Variants in ANO3 observed in about 807,000 individuals in gnomAD.
ANO3 encodes anoctamin 3.
A neutral mutation model predicts 144.8 loss-of-function variants in ANO3; 99 were observed. The observed-to-expected ratio is 0.68, with a 90% CI of 0.58 to 0.81. ANO3 has a LOEUF of 0.81. ANO3 is among the 30% of genes least tolerant of loss of function. The pLI, the probability that ANO3 is intolerant of heterozygous loss-of-function variation, is 0.00. For missense variants in ANO3, 905 were observed against 1,202.2 expected (o/e 0.75, Z 3.66); for synonymous variants, 414 against 392.6 (o/e 1.05, Z -0.64).
At chr11:26,605,749 C>T (rs1446640526) in intron 17 of ANO3, among the ~76,000 whole-genome samples, 15 of 151,942 alleles carry the variant, frequency 9.9e-5, no homozygotes, top group African/African-American at 2.2e-4. Flanking sequence ...TCTTCTCTGA[C>T]GGTAGTTTGT....
At chr11:26,559,861 C>G in intron 14 of ANO3, 82 bp downstream of exon 14, 3 of 910,226 alleles carry the variant, frequency 3.3e-6, no homozygotes, top group African/African-American at 1.6e-5. Context: ...CACACACACA[C>G]ACACACACAC....
chr11:26,401,066 G>T (rs1857135555), intron 1 of ANO3, among the ~76,000 whole-genome samples: 1 of 151,970 alleles, frequency 6.6e-6, no homozygotes, highest in African/African-American at 2.4e-5. Context: ...TGCATCGTGT[G>T]ATGACATAAA....
At chr11:26,351,831 T>C (rs1376937836) in intron 1 of ANO3, among the ~76,000 whole-genome samples, 1 of 152,212 alleles carries the variant, frequency 6.6e-6, no homozygotes, top group East Asian at 1.9e-4. Flanking sequence ...GAAACAGTGT[T>C]AGGCTAAATT....
intron 1 of ANO3, among the ~76,000 whole-genome samples, chr11:26,355,635 C>T (rs1463768174): frequency 6.6e-6 from 1 of 151,578 alleles, no homozygotes; most frequent in Non-Finnish European, 1.5e-5. Context: ...TCTCAGCTCA[C>T]TGCAACCTCC....
chr11:26,562,752 A>G (rs754667858), intron 14 of ANO3, among the ~76,000 whole-genome samples: 27 of 152,048 alleles, frequency 1.8e-4, no homozygotes, highest in Admixed American at 3.3e-4. Flanking sequence ...CTGCTACTTA[A>G]TGATCTAACA....
At chr11:26,368,947 C>A (rs572726633) in intron 1 of ANO3, among the ~76,000 whole-genome samples, 1 of 151,796 alleles carries the variant, frequency 6.6e-6, no homozygotes, top group African/African-American at 2.4e-5. Flanking sequence ...AAATTTTTAT[C>A]AACTATTCAT....
At chr11:26,386,501 G>A (rs967811795) in intron 1 of ANO3, among the ~76,000 whole-genome samples, 1 of 152,130 alleles carries the variant, frequency 6.6e-6, no homozygotes, top group Non-Finnish European at 1.5e-5. Flanking sequence ...TGAAAAGATG[G>A]TGGTTTGTGA....
In ANO3 at chr11:26,494,126, T is replaced by C. The variant is rs575847977; in HGVS notation, c.433-13978T>C. ...ATTAAAATTTGGGCAAAGTCTATTT[T>C]TGCAGAAATAGTATAATCTAAAGAA... is the stretch of plus-strand genomic sequence containing the variant. On this transcript the variant is annotated intron_variant, in intron 4 of 26. Transcript: ENST00000256737. 2.5e-3 allele frequency among the ~76,000 whole-genome samples: 376 copies of C among 152,086 alleles called. 1 individual carries two copies. Among genetic ancestry groups the C allele is most frequent in the Non-Finnish European group, 4.4e-3 (302 of 67,988 alleles).
chr11:26,535,577 T>A (rs889282725), intron 9 of ANO3, among the ~76,000 whole-genome samples: 1 of 113,128 alleles, frequency 8.8e-6, no homozygotes, highest in African/African-American at 3.2e-5. Flanking sequence ...GCCACTTTTT[T>A]TTTTTTTTTT....
At chr11:26,604,502 G>A (rs191894617) in intron 17 of ANO3, among the ~76,000 whole-genome samples, 2 of 152,198 alleles carry the variant, frequency 1.3e-5, no homozygotes, top group Non-Finnish European at 2.9e-5. Context: ...ATTACTTTGG[G>A]CAGTATGATT....
At chr11:26,616,418 G>A (rs1163081443) in intron 17 of ANO3, among the ~76,000 whole-genome samples, 4 of 148,442 alleles carry the variant, frequency 2.7e-5, no homozygotes, top group African/African-American at 7.4e-5. Context: ...GCCTTTAAAG[G>A]AACATCCTGC....
chr11:26,296,707 T>A (rs546611353), intron 1 of ANO3, among the ~76,000 whole-genome samples: 1 of 152,206 alleles, frequency 6.6e-6, no homozygotes, highest in African/African-American at 2.4e-5. Flanking sequence ...TTATCATTGA[T>A]GAATAACAGA....
Position 26,215,057 on chromosome 11 carries a change from A to C in ANO3, c.154+25727A>C, listed in dbSNP as rs560652561. Among the ~76,000 whole-genome samples the C allele has an allele frequency of 8.7e-4, 133 of 152,108 alleles. 1 individual carries two copies. In the South Asian group the frequency reaches 0.011, roughly 12 times the overall value. ...CATCATGACAAAGGTACGTACTATC[A>C]ACATGACTTATAATCACTGAAATTA... On this transcript the variant is annotated intron_variant, in intron 1 of 27. Transcript: ENST00000672621.
At chr11:26,557,908 T>C (rs118031244) in intron 13 of ANO3, among the ~76,000 whole-genome samples, 30 of 152,342 alleles carry the variant, frequency 2.0e-4, no homozygotes, top group Admixed American at 4.6e-4. Context: ...ATCCCATGTG[T>C]AATAGCTTGG....
chr11:26,618,352 G>A (rs1253686340), intron 17 of ANO3, among the ~76,000 whole-genome samples: 1 of 151,910 alleles, frequency 6.6e-6, no homozygotes, highest in African/African-American at 2.4e-5. Context: ...TTTTGCTTCT[G>A]TAACATTTTT....
intron 3 of ANO3, among the ~76,000 whole-genome samples, chr11:26,462,558 TTAAGA>T (rs1239696948): frequency 6.6e-6 from 1 of 151,874 alleles, no homozygotes; most frequent in East Asian, 1.9e-4. Flanking sequence ...GTAATGTTTA[TTAAGA>T]TATTTTCTAC....
chr11:26,363,395 G>A (rs1470266513), intron 1 of ANO3, among the ~76,000 whole-genome samples: 1 of 152,130 alleles, frequency 6.6e-6, no homozygotes, highest in East Asian at 1.9e-4. Flanking sequence ...TTTCAGGAGG[G>A]TGTTGGCAGG....
intron 11 of ANO3, among the ~76,000 whole-genome samples, 155 bp downstream of exon 11, chr11:26,542,223 A>T (rs1849665198): frequency 6.6e-6 from 1 of 152,176 alleles, no homozygotes; most frequent in South Asian, 2.1e-4. Flanking sequence ...ACTGTAGGTA[A>T]TTGGTTATAC....
At chr11:26,554,356 T>C (rs904014577) in intron 13 of ANO3, among the ~76,000 whole-genome samples, 5 of 152,158 alleles carry the variant, frequency 3.3e-5, no homozygotes, top group African/African-American at 1.2e-4. Context: ...TGTTTCAAAT[T>C]GTTGCCTATT....
Sources: allele counts gnomAD v4.1 joint callset (sites outside exome capture counted in the v4.1 genomes callset), GRCh38; gene constraint gnomAD v4.1.1; transcripts MANE v1.5; gene names NCBI Gene and HGNC (gene_info 2026-07-23, HGNC 2026-07-21).